Variants in CNIH3 observed in about 807,000 individuals in gnomAD.
CNIH3 encodes the protein cornichon family AMPA receptor auxiliary protein 3.
Under a neutral mutation model 24.1 loss-of-function variants are expected in CNIH3, and 14 were observed. That is an observed-to-expected ratio of 0.58 (90% CI 0.38 to 0.91). The LOEUF is 0.91. Among genes scored for constraint, CNIH3 ranks in the 40% least tolerant of loss-of-function variants. The pLI is 0.00. For missense variants in CNIH3, 178 were observed against 196.8 expected (o/e 0.90, Z 0.57); for synonymous variants, 68 against 73.8 (o/e 0.92, Z 0.40).
At chr1:224,680,912 T>C in intron 1 of CNIH3, 46 bp from the exon 2 acceptor site, 1 of 1,412,440 alleles carries the variant, frequency 7.1e-7, no homozygotes, top group South Asian at 1.2e-5. Context: ...ACATGGTGTG[T>C]TGACTCGTGT....
intron 1 of CNIH3, among the ~76,000 whole-genome samples, chr1:224,446,604 T>C (rs951112510): frequency 6.6e-5 from 10 of 152,232 alleles, no homozygotes; most frequent in African/African-American, 2.4e-4. Context: ...TCATCAAAGA[T>C]GAACGCCCAC....
chr1:224,558,145 G>A (rs1233679067), intron 3 of CNIH3, among the ~76,000 whole-genome samples: 1 of 152,100 alleles, frequency 6.6e-6, no homozygotes, highest in Admixed American at 6.5e-5. Flanking sequence ...GCCATCTGAT[G>A]GCTGGATTGG....
chr1:224,579,851 C>T lies in CNIH3; in HGVS notation n.517-3313C>T, dbSNP rs1006087031. ...CCATGATTGGAGACAGCCTGAGGCT[C>T]TCACCAGATGCCCAGTGTTCCAGTC... On this transcript the variant is annotated intron_variant and non_coding_transcript_variant, in intron 4 of 5. Coordinates refer to the CNIH3 transcript ENST00000471578. Among the ~76,000 whole-genome samples the T allele has an allele frequency of 1.4e-4, 21 of 152,206 alleles. 1 individual carries two copies. Among genetic ancestry groups the T allele is most frequent in the African/African-American group, 4.8e-4 (20 of 41,458 alleles).
At chr1:224,737,402 A>G (rs1409360569) in intron 5 of CNIH3, among the ~76,000 whole-genome samples, 1 of 152,096 alleles carries the variant, frequency 6.6e-6, no homozygotes, top group Non-Finnish European at 1.5e-5. Context: ...CAAAATTGGA[A>G]ACAGTTCCTG....
intron 1 of CNIH3, among the ~76,000 whole-genome samples, chr1:224,518,658 G>T (rs1469915174): frequency 6.6e-6 from 1 of 152,252 alleles, no homozygotes; most frequent in East Asian, 1.9e-4. Context: ...GCCCATTGAG[G>T]TCTCTTCTAG....
intron 1 of CNIH3, among the ~76,000 whole-genome samples, chr1:224,624,481 C>CA (rs897402747): frequency 6.6e-6 from 1 of 152,210 alleles, no homozygotes; most frequent in Non-Finnish European, 1.5e-5. Context: ...CCTCACTCCT[C>CA]ACAGCCCCAG....
At chr1:224,444,017 A>C (rs1478487487) in intron 1 of CNIH3, among the ~76,000 whole-genome samples, 1 of 152,246 alleles carries the variant, frequency 6.6e-6, no homozygotes, top group African/African-American at 2.4e-5. Flanking sequence ...TTAAACATAC[A>C]TAAAGGTAAA....
chr1:224,687,450 C>G (rs1558294262), intron 3 of CNIH3, among the ~76,000 whole-genome samples: 1 of 152,102 alleles, frequency 6.6e-6, no homozygotes, highest in Non-Finnish European at 1.5e-5. Context: ...CCAGGCTGGT[C>G]TGAAACTCCT....
rs184028080 is a variant in CNIH3 at position 224,678,622 on chromosome 1, T to C, written c.82-2336T>C. On this transcript the variant is annotated intron_variant, in intron 1 of 5. Transcript: ENST00000272133. ...CTGGAGCTGACAGTACTTAAAGGGG[T>C]TCTTTGTGGAGGAGGGATTTGACCC... Among the ~76,000 whole-genome samples the C allele has an allele frequency of 2.4e-3, 360 of 151,894 alleles. 1 individual carries two copies. The Middle Eastern group carries it at 0.027, about 11-fold the overall frequency.
At position 224,684,445 on chromosome 1, in the gene CNIH3, A is replaced by G. The variant is rs1183442880; in HGVS notation, c.151-351A>G. On this transcript the variant is annotated intron_variant, in intron 2 of 5. Coordinates refer to ENST00000272133, the MANE Select transcript of CNIH3 (RefSeq NM_152495.2). The surrounding 1 kb of genome is among the most constrained non-coding windows in gnomAD (Gnocchi z 4.2). ...CCGGCTGCAGGCTTTAGGATGCTCCATGAACACGAGGTACCATTCAGCAGT... is the reference window on the plus strand; with the variant it reads ...CCGGCTGCAGGCTTTAGGATGCTCCGTGAACACGAGGTACCATTCAGCAGT... 6.6e-6 allele frequency among the ~76,000 whole-genome samples: 1 copy of G among 152,264 alleles called. No homozygotes were observed. The highest frequency in any genetic ancestry group is 1.5e-5 in the Non-Finnish European group (1 of 68,044).
intron 1 of CNIH3, among the ~76,000 whole-genome samples, chr1:224,500,603 G>T (rs1240240904): frequency 6.6e-6 from 1 of 152,064 alleles, no homozygotes; most frequent in Non-Finnish European, 1.5e-5. Flanking sequence ...AACTCAGGGG[G>T]CGGAGGTTGC....
At chr1:224,501,050 G>A (rs2124870302) in intron 1 of CNIH3, among the ~76,000 whole-genome samples, 2 of 152,250 alleles carry the variant, frequency 1.3e-5, no homozygotes, top group South Asian at 4.1e-4. Flanking sequence ...TTGCTCGTGG[G>A]CCACCTCTGC....
chr1:224,559,780 C>T (rs944216091), intron 3 of CNIH3, among the ~76,000 whole-genome samples: 3 of 151,994 alleles, frequency 2.0e-5, no homozygotes, highest in Admixed American at 6.5e-5. Flanking sequence ...ATAAAGCAAA[C>T]ACTCAGGGCA....
chr1:224,437,944 G>A (rs954704468), intron 1 of CNIH3, among the ~76,000 whole-genome samples: 94 of 145,540 alleles, frequency 6.5e-4, no homozygotes, highest in African/African-American at 2.1e-3. Context: ...ACAGAGTTTC[G>A]CTCTGTCGCC....
At chr1:224,618,093 G>A (rs112685993) in intron 1 of CNIH3, among the ~76,000 whole-genome samples, 89 of 152,332 alleles carry the variant, frequency 5.8e-4, no homozygotes, top group African/African-American at 2.0e-3. Context: ...ATAGAGGAGC[G>A]CAAGCTTCTG....
At chr1:224,690,767 G>T (rs538220088) in intron 3 of CNIH3, among the ~76,000 whole-genome samples, 1 of 152,170 alleles carries the variant, frequency 6.6e-6, no homozygotes, top group South Asian at 2.1e-4. Flanking sequence ...GGAGGAGAAG[G>T]GTGTGTGGGT....
At chr1:224,565,908 G>A (rs915567543) in intron 3 of CNIH3, 9 of 152,118 alleles carry the variant, frequency 5.9e-5, no homozygotes, top group African/African-American at 1.9e-4. Flanking sequence ...GGACCATCTC[G>A]GTGATTCTTT....
At chr1:224,607,308 C>T (rs1217510167) in intron 3 of CNIH3, among the ~76,000 whole-genome samples, 3 of 152,164 alleles carry the variant, frequency 2.0e-5, no homozygotes, top group Non-Finnish European at 4.4e-5. Flanking sequence ...GGACACATAA[C>T]CACTGCAACA....
chr1:224,648,849 C>T (rs1684740157), intron 1 of CNIH3, among the ~76,000 whole-genome samples: 1 of 152,168 alleles, frequency 6.6e-6, no homozygotes, highest in African/African-American at 2.4e-5. Flanking sequence ...AGGTTCTCAG[C>T]CCTGCTACAA....
Sources: allele counts gnomAD v4.1 joint callset (sites outside exome capture counted in the v4.1 genomes callset), GRCh38; gene constraint gnomAD v4.1.1; non-coding constraint Gnocchi (gnomAD v3.1); transcripts MANE v1.5; gene names NCBI Gene and HGNC (gene_info 2026-07-23, HGNC 2026-07-21).